The following PTDSS1 variants were observed in gnomAD, a reference collection of about 807,000 sequenced individuals.
The protein encoded by PTDSS1 is PSS-1.
PTDSS1 carries 45 observed loss-of-function variants against 70.5 expected under a neutral mutation model. The observed-to-expected ratio is 0.64, with a 90% confidence interval of 0.50 to 0.82. The LOEUF (loss-of-function observed/expected upper bound fraction) is 0.82, where lower values mean the gene tolerates loss of function less well. Among genes scored for constraint, PTDSS1 ranks in the 40% least tolerant of loss-of-function variants. The pLI, the probability that PTDSS1 is intolerant of heterozygous loss-of-function variation, is 0.00. For missense variants in PTDSS1, 417 were observed against 586.1 expected, an observed-to-expected ratio of 0.71 and a Z score of 2.98; for synonymous variants, 188 against 203.8, an observed-to-expected ratio of 0.92 and a Z score of 0.66.
At chr8:96,280,236 T>C (rs533750096) in intron 2 of PTDSS1, among the ~76,000 whole-genome samples, 3 of 152,162 alleles carry the variant, frequency 2.0e-5, no homozygotes, top group Non-Finnish European at 4.4e-5. Context: ...AATGATGTAT[T>C]CTAGGCCAGG....
In PTDSS1 at chr8:96,333,733, T is replaced by C. The variant is rs998005548; in HGVS notation, c.*167T>C. The C allele has an allele frequency of 3.1e-5, 23 of 753,660 alleles. No individual in the cohort carries two copies. The highest frequency in any genetic ancestry group is 1.4e-4 in the Admixed American group (7 of 49,840). 46.7% of individuals were successfully genotyped at this position (753,660 alleles called of 1,614,324 possible). A position where few individuals can be genotyped will look rare whatever the true frequency, so the allele number is the denominator to read the frequency against. On this transcript the variant is annotated 3_prime_UTR_variant, in exon 13 of 13. Transcript: ENST00000517309. ...TCGTAAGTCTTGTTTCCCACAGACCTGGCCGCGTCAGGCAGATCATCGCCT... is the reference window on the plus strand; with the variant it reads ...TCGTAAGTCTTGTTTCCCACAGACCCGGCCGCGTCAGGCAGATCATCGCCT...
Position 96,333,547 on chromosome 8 carries a change from A to G in PTDSS1, c.1403A>G (p.Asn468Ser), listed in dbSNP as rs755058858. The G allele has an allele frequency of 6.2e-7, 1 of 1,611,084 alleles. No homozygotes were observed. Among genetic ancestry groups the G allele is most frequent in the Non-Finnish European group, 8.5e-7 (1 of 1,177,234 alleles). Residue 468 changes from asparagine (N) to serine (S), a missense_variant, in exon 13 of 13, where the codon AAT (asparagine) becomes AGT (serine). Around this residue, in one of 3 missense-constraint regions of PTDSS1, gnomAD observed 107 missense variants for 122.3 expected, o/e 0.88. Transcript: ENST00000517309. ...RNRHSKSKVT[N>S]GVGKK Reference sequence around the variant, plus strand: ...CGGCATTCCAAGTCAAAAGTCACCAATGGCGTTGGAAAGAAATGAAAAACC... The same window carrying G: ...CGGCATTCCAAGTCAAAAGTCACCAGTGGCGTTGGAAAGAAATGAAAAACC...
intron 10 of PTDSS1, among the ~76,000 whole-genome samples, chr8:96,320,887 G>T (rs926953404): frequency 5.3e-5 from 8 of 152,242 alleles, no homozygotes; most frequent in Non-Finnish European, 5.9e-5. Flanking sequence ...AGGGACACCA[G>T]CCTAAGCCTT....
chr8:96,329,917 C>T (rs895076727), intron 10 of PTDSS1, among the ~76,000 whole-genome samples: 5 of 152,194 alleles, frequency 3.3e-5, no homozygotes, highest in African/African-American at 4.8e-5. Flanking sequence ...CAACAGAACC[C>T]GCAAAGCTAT....
Position 96,262,160 on chromosome 8 carries a change from G to T in PTDSS1, c.120G>T (p.Pro40=), listed in dbSNP as rs1458781002. 2.5e-6 allele frequency: 4 copies of T among 1,613,906 alleles called. No individual in the cohort carries two copies. Among genetic ancestry groups the T allele is most frequent in the Middle Eastern group, 1.6e-4 (1 of 6,062 alleles). The change falls in exon 1 of 13, where the codon CCG becomes CCT. Residue 40 remains proline, a synonymous_variant. Coordinates refer to ENST00000517309, the MANE Select transcript of PTDSS1 (RefSeq NM_014754.3). This position sits in a 1 kb window ranked among gnomAD's most constrained non-coding sequence, Gnocchi z 4.4. ...TCACCATTGACTTCTTCTACCGGCC[G>T]CATACCATCACCCTGCTCAGCTTCA... ...EDITIDFFYR[P]HTITLLSFTI...
At chr8:96,286,072 T>C (rs560126623) in intron 3 of PTDSS1, among the ~76,000 whole-genome samples, 1 of 152,278 alleles carries the variant, frequency 6.6e-6, no homozygotes, top group Non-Finnish European at 1.5e-5. Context: ...TCTGGCACTA[T>C]AGCGCTTGCA....
intron 4 of PTDSS1, among the ~76,000 whole-genome samples, chr8:96,292,325 T>C (rs149015789): frequency 7.3e-5 from 11 of 151,064 alleles, no homozygotes; most frequent in African/African-American, 1.5e-4. Flanking sequence ...AGAAACCTTA[T>C]ATTTAAAGTG....
intron 10 of PTDSS1, among the ~76,000 whole-genome samples, chr8:96,329,848 C>G (rs1362192020): frequency 6.6e-6 from 1 of 152,186 alleles, no homozygotes; most frequent in African/African-American, 2.4e-5. Context: ...GATGGGGAAG[C>G]CGGGAGAGAA....
At chr8:96,306,309 T>C in intron 7 of PTDSS1, 135 bp from the exon 8 acceptor site, 1 of 692,216 alleles carries the variant, frequency 1.4e-6, no homozygotes, top group Non-Finnish European at 2.5e-6. Context: ...TAGCAATCCT[T>C]GGAAGACCAC....
intron 6 of PTDSS1, among the ~76,000 whole-genome samples, chr8:96,301,118 G>A (rs1486602307): frequency 6.6e-6 from 1 of 151,916 alleles, no homozygotes; most frequent in African/African-American, 2.4e-5. Flanking sequence ...TTTCCATTTT[G>A]TCACCCCCTT....
At chr8:96,286,015 C>T (rs923922294) in intron 3 of PTDSS1, among the ~76,000 whole-genome samples, 2 of 152,114 alleles carry the variant, frequency 1.3e-5, no homozygotes, top group African/African-American at 4.8e-5. Flanking sequence ...ACCACCCGGG[C>T]CTCCCTTGAA....
At chr8:96,299,911 G>A in intron 6 of PTDSS1, 66 bp downstream of exon 6, 1 of 1,503,330 alleles carries the variant, frequency 6.7e-7, no homozygotes, top group Non-Finnish European at 8.9e-7. Flanking sequence ...TGTTTTGGTA[G>A]GAATCCATTT....
chr8:96,333,710 G>T lies in PTDSS1; in HGVS notation c.*144G>T, dbSNP rs138611216. On this transcript the variant is annotated 3_prime_UTR_variant, in exon 13 of 13. Transcript: ENST00000517309. Reference sequence around the variant, plus strand: ...CACTTGGGGGTCATTATTTGAGATCGTAAGTCTTGTTTCCCACAGACCTGG... The same window carrying T: ...CACTTGGGGGTCATTATTTGAGATCTTAAGTCTTGTTTCCCACAGACCTGG... 1.2e-6 allele frequency: 1 copy of T among 813,024 alleles called. No homozygotes were observed. The highest frequency in any genetic ancestry group is 1.7e-5 in the African/African-American group (1 of 59,064). The allele number at this position is 813,024 out of a possible 1,614,324, so 50.4% of individuals were successfully genotyped here.
chr8:96,273,704 G>A (rs1372177474), intron 2 of PTDSS1, among the ~76,000 whole-genome samples: 1 of 150,762 alleles, frequency 6.6e-6, no homozygotes, highest in African/African-American at 2.5e-5. Flanking sequence ...CTCAATAAAT[G>A]TGGTTGTTTT....
intron 8 of PTDSS1, chr8:96,309,162 G>A (rs1811168795): frequency 6.9e-6 from 1 of 145,686 alleles, no homozygotes; most frequent in African/African-American, 2.7e-5. Flanking sequence ...AATCCAGACT[G>A]ACTTTGTCAA....
chr8:96,310,792 C>T (rs946958294), intron 9 of PTDSS1, among the ~76,000 whole-genome samples: 4 of 151,060 alleles, frequency 2.6e-5, no homozygotes, highest in Non-Finnish European at 5.9e-5. Context: ...CTTTTTGAGA[C>T]GGAGTGTTCT....
intron 10 of PTDSS1, among the ~76,000 whole-genome samples, chr8:96,322,424 A>G (rs1811384641): frequency 1.3e-5 from 2 of 152,146 alleles, no homozygotes; most frequent in Non-Finnish European, 1.5e-5. Flanking sequence ...GTGAGCATGT[A>G]AGACAGCAGG....
intron 12 of PTDSS1, among the ~76,000 whole-genome samples, chr8:96,332,937 G>C (rs1376505969): frequency 1.3e-5 from 2 of 152,216 alleles, no homozygotes; most frequent in African/African-American, 4.8e-5. Flanking sequence ...CCTCCATCGT[G>C]GGCAGCAGGG....
intron 12 of PTDSS1, 63 bp from the exon 13 acceptor site, chr8:96,333,394 G>T (rs1811546047): frequency 6.7e-7 from 1 of 1,483,866 alleles, no homozygotes; most frequent in African/African-American, 1.4e-5. Context: ...GGGCGGTCTG[G>T]AAAGGGACAG....
Sources: allele counts gnomAD v4.1 joint callset (sites outside exome capture counted in the v4.1 genomes callset), GRCh38; gene constraint gnomAD v4.1.1; regional missense constraint gnomAD v4.1.1; non-coding constraint Gnocchi (gnomAD v3.1); transcripts MANE v1.5; gene names NCBI Gene and HGNC (gene_info 2026-07-23, HGNC 2026-07-21).